ZMYM4: variants seen among roughly 807,000 people sequenced by gnomAD.
The protein encoded by ZMYM4 is zinc finger MYM-type containing 4.
Under a neutral mutation model 183.2 loss-of-function variants are expected in ZMYM4, and 31 were observed. The observed-to-expected ratio is 0.17, with a 90% CI of 0.13 to 0.23. ZMYM4 has a LOEUF of 0.23. Ranked by LOEUF, ZMYM4 falls within the 10% of genes least tolerant of loss-of-function variation. ZMYM4 has a pLI of 1.00. For synonymous variants in ZMYM4, 592 were observed against 631.2 expected, an observed-to-expected ratio of 0.94 and a Z score of 0.93; for missense variants, 1,273 against 1,840.3, an observed-to-expected ratio of 0.69 and a Z score of 5.64.
intron 1 of ZMYM4, chr1:35,308,979 T>G (rs1320718034): frequency 2.0e-6 from 2 of 985,224 alleles, no homozygotes; most frequent in Non-Finnish European, 2.4e-6. Flanking sequence ...ACAGCCTTGT[T>G]TGAAAGAGGA....
chr1:35,367,088 G>A (rs1295392360), intron 5 of ZMYM4, among the ~76,000 whole-genome samples: 1 of 151,854 alleles, frequency 6.6e-6, no homozygotes, highest in African/African-American at 2.4e-5. Context: ...TCAATGGTTA[G>A]GTTATGAAGT....
intron 1 of ZMYM4, among the ~76,000 whole-genome samples, chr1:35,308,200 C>T (rs1641633476): frequency 6.6e-6 from 1 of 151,898 alleles, no homozygotes; most frequent in African/African-American, 2.4e-5. Flanking sequence ...CCACGTTGGC[C>T]AGGCTGGTCT....
intron 28 of ZMYM4, 96 bp downstream of exon 28, chr1:35,415,810 T>C: frequency 6.9e-7 from 1 of 1,444,048 alleles, no homozygotes; most frequent in Middle Eastern, 2.2e-4. Context: ...ATGCTAGACG[T>C]GAAAGAGTGT....
chr1:35,375,176 A>G (rs185523387), intron 7 of ZMYM4, among the ~76,000 whole-genome samples: 42 of 151,884 alleles, frequency 2.8e-4, no homozygotes, highest in Admixed American at 1.4e-3. Flanking sequence ...CTCATTTTAC[A>G]TAATACTTAC....
intron 2 of ZMYM4, among the ~76,000 whole-genome samples, chr1:35,328,509 A>G (rs1481293152): frequency 1.5e-5 from 2 of 134,152 alleles, no homozygotes; most frequent in African/African-American, 5.8e-5. Context: ...TTTTCCAATC[A>G]GGTCTTAAAC....
intron 1 of ZMYM4, among the ~76,000 whole-genome samples, chr1:35,319,738 C>T (rs540772162): frequency 6.6e-6 from 1 of 152,164 alleles, no homozygotes; most frequent in South Asian, 2.1e-4. Context: ...AGAGTAGCAA[C>T]AGGGAAAGAC....
At chr1:35,358,022 T>C (rs1425973951) in intron 2 of ZMYM4, among the ~76,000 whole-genome samples, 1 of 152,180 alleles carries the variant, frequency 6.6e-6, no homozygotes, top group Non-Finnish European at 1.5e-5. Context: ...ATGAGGGATA[T>C]GCCATTTAGG....
intron 2 of ZMYM4, among the ~76,000 whole-genome samples, chr1:35,354,558 C>T (rs1037521103): frequency 6.6e-6 from 1 of 151,776 alleles, no homozygotes; most frequent in Non-Finnish European, 1.5e-5. Flanking sequence ...GAAACCTTGT[C>T]TCTACTAAAA....
chr1:35,318,934 T>G (rs1213459024), intron 1 of ZMYM4, among the ~76,000 whole-genome samples: 1 of 152,178 alleles, frequency 6.6e-6, no homozygotes, highest in African/African-American at 2.4e-5. Context: ...TTGCCCAGGG[T>G]GGAGTGCAGT....
At chr1:35,326,328 G>T (rs943365341) in intron 2 of ZMYM4, among the ~76,000 whole-genome samples, 22 of 152,076 alleles carry the variant, frequency 1.4e-4, no homozygotes, top group Non-Finnish European at 1.5e-5. Flanking sequence ...AAACAAGTAA[G>T]ATAATTATTT....
intron 29 of ZMYM4, among the ~76,000 whole-genome samples, chr1:35,419,269 C>G (rs11264156): frequency 0.034 from 5,220 of 152,028 alleles, 262 homozygotes; most frequent in East Asian, 0.24. Context: ...CTGTGGGTAC[C>G]TTGCTTTCCC....
chr1:35,277,917 A>G lies in ZMYM4; in HGVS notation c.39+8832A>G, dbSNP rs993269326. Among the ~76,000 whole-genome samples, 6 of 152,214 alleles carry G rather than the reference A, an allele frequency of 3.9e-5. No individual in the cohort carries two copies. In the East Asian group the frequency reaches 7.7e-4, roughly 20 times the overall value. On this transcript the variant is annotated intron_variant, in intron 1 of 29. Coordinates refer to ENST00000314607, the MANE Select transcript of ZMYM4 (RefSeq NM_005095.3). The stretch of plus-strand genomic sequence containing the variant: ...TCATAGTCATTATTTTTGGTGTTCA[A>G]TTTGTTGTATCTTTGATGATTGGCG...
At chr1:35,306,318 A>G (rs1302646145) in intron 1 of ZMYM4, among the ~76,000 whole-genome samples, 1 of 151,916 alleles carries the variant, frequency 6.6e-6, no homozygotes, top group Non-Finnish European at 1.5e-5. Flanking sequence ...TTTCTCCACC[A>G]TATTTTAGGG....
Position 35,389,106 on chromosome 1 carries a change from G to A in ZMYM4, c.2436+24G>A, listed in dbSNP as rs1329953413. The A allele has an allele frequency of 2.5e-6, 4 of 1,586,752 alleles. No homozygotes were observed. Among genetic ancestry groups the A allele is most frequent in the Non-Finnish European group, 2.6e-6 (3 of 1,168,072 alleles). ...AGGTAAATAGAATTCACATTCCTGGGTTTTTCATTCTAGGGCATAAATTAT... is the reference window on the plus strand; with the variant it reads ...AGGTAAATAGAATTCACATTCCTGGATTTTTCATTCTAGGGCATAAATTAT... On this transcript the variant is annotated intron_variant, in intron 14 of 29. Coordinates refer to ENST00000314607, the MANE Select transcript of ZMYM4 (RefSeq NM_005095.3). The surrounding 1 kb of genome is among the most constrained non-coding windows in gnomAD (Gnocchi z 4.0).
At chr1:35,278,750 C>T (rs1192793073) in intron 1 of ZMYM4, among the ~76,000 whole-genome samples, 28 of 152,084 alleles carry the variant, frequency 1.8e-4, no homozygotes, top group Non-Finnish European at 1.0e-4. Context: ...CCAAAATCTC[C>T]AAATATTATA....
chr1:35,357,981 G>C (rs909717118), intron 2 of ZMYM4, among the ~76,000 whole-genome samples: 1 of 152,100 alleles, frequency 6.6e-6, no homozygotes, highest in African/African-American at 2.4e-5. Context: ...TAAGAAATAA[G>C]AGTACCAAAG....
intron 5 of ZMYM4, among the ~76,000 whole-genome samples, chr1:35,362,695 CTTTT>C (rs1643966747): frequency 6.6e-6 from 1 of 151,718 alleles, no homozygotes; most frequent in South Asian, 2.1e-4. Flanking sequence ...TCTTTTCTTT[CTTTT>C]TGTTTTTTCT....
chr1:35,415,447 T>C lies in ZMYM4; in HGVS notation c.4061-19T>C. On this transcript the variant is annotated intron_variant, in intron 27 of 29. Transcript: ENST00000314607. ...AGCAGGAGCTCAGTACTGTTTCTTG[T>C]ACCCCTTCTTCTGTCTAGGTTACAT... 1 of 1,614,076 alleles carries C rather than the reference T, an allele frequency of 6.2e-7. No individual in the cohort carries two copies. The highest frequency in any genetic ancestry group is 8.5e-7 in the Non-Finnish European group (1 of 1,179,954).
intron 1 of ZMYM4, among the ~76,000 whole-genome samples, chr1:35,273,514 AAAT>A (rs1322778911): frequency 6.6e-6 from 1 of 152,208 alleles, no homozygotes; most frequent in Non-Finnish European, 1.5e-5. Flanking sequence ...TTTACATACA[AAAT>A]AATAACTTTT....
Sources: allele counts gnomAD v4.1 joint callset (sites outside exome capture counted in the v4.1 genomes callset), GRCh38; gene constraint gnomAD v4.1.1; non-coding constraint Gnocchi (gnomAD v3.1); transcripts MANE v1.5; gene names NCBI Gene and HGNC (gene_info 2026-07-23, HGNC 2026-07-21).